AEBP2: variants seen among roughly 807,000 people sequenced by gnomAD.
AEBP2 encodes zinc finger protein AEBP2.
In AEBP2, 10 loss-of-function variants were observed where a neutral mutation model predicts 50.8. The ratio of observed to expected loss-of-function variants is 0.20; its 90% CI spans 0.12 to 0.33. AEBP2 has a LOEUF of 0.33. Among genes scored for constraint, AEBP2 ranks in the 10% least tolerant of loss-of-function variants. The probability of loss-of-function intolerance (pLI) is 1.00; values close to 1 mark genes in which losing one functional copy is unlikely to be tolerated. For missense variants in AEBP2, 570 were observed against 688.0 expected (o/e 0.83, Z 1.92); for synonymous variants, 296 against 261.3 (o/e 1.13, Z -1.28).
chr12:19,494,898 C>T (rs926181954), intron 4 of AEBP2, among the ~76,000 whole-genome samples: 1 of 151,754 alleles, frequency 6.6e-6, no homozygotes, highest in African/African-American at 2.4e-5. Flanking sequence ...TAGTTTGTGG[C>T]TTTATTTTAT....
chr12:19,413,900 T>C (rs946039201), intron 1 of AEBP2, among the ~76,000 whole-genome samples: 11 of 151,656 alleles, frequency 7.3e-5, no homozygotes, highest in Non-Finnish European at 1.3e-4. Flanking sequence ...TTTTTGTTTT[T>C]TGTTTTTTTT....
chr12:19,450,989 T>G (rs958230769), intron 1 of AEBP2, among the ~76,000 whole-genome samples: 6 of 4,192 alleles, frequency 1.4e-3, no homozygotes, highest in Middle Eastern at 0.045. Flanking sequence ...GTATGACAGT[T>G]TTTTTTTTGG....
chr12:19,484,633 A>G (rs7133960), intron 3 of AEBP2, among the ~76,000 whole-genome samples: 76,322 of 151,898 alleles, frequency 0.5, 20,302 homozygotes, highest in Non-Finnish European at 0.61. Flanking sequence ...TTGGCCTCAC[A>G]AAGTGCTGGG....
chr12:19,476,241 A>G (rs562533027), intron 3 of AEBP2, among the ~76,000 whole-genome samples: 2 of 152,294 alleles, frequency 1.3e-5, no homozygotes, highest in African/African-American at 4.8e-5. Flanking sequence ...ATTTTTGTAT[A>G]AGGTGAGAAA....
Position 19,518,526 on chromosome 12 carries a change from A to G in AEBP2, c.*409A>G, listed in dbSNP as rs928427878. ...ACAACATGTGCCCTTACAAATACCA[A>G]AAGCACTGTAAGGATATTTGTCTTG... On this transcript the variant is annotated 3_prime_UTR_variant, in exon 8 of 8. Coordinates refer to ENST00000266508, the MANE Select transcript of AEBP2 (RefSeq NM_153207.5). 1.0e-5 allele frequency: 13 copies of G among 1,268,986 alleles called. No individual in the cohort carries two copies. Among genetic ancestry groups the G allele is most frequent in the South Asian group, 3.0e-5 (1 of 33,218 alleles). The allele number at this position is 1,268,986 out of a possible 1,614,324, so 78.6% of individuals were successfully genotyped here. A position where few individuals can be genotyped will look rare whatever the true frequency, so the allele number is the denominator to read the frequency against.
intron 4 of AEBP2, among the ~76,000 whole-genome samples, chr12:19,495,811 TAGG>T (rs1948969828): frequency 6.6e-6 from 1 of 152,174 alleles, no homozygotes; most frequent in African/African-American, 2.4e-5. Flanking sequence ...CCCAAAGTGC[TAGG>T]ATTACAGGCA....
intron 5 of AEBP2, among the ~76,000 whole-genome samples, chr12:19,508,503 C>T (rs4963546): frequency 1 from 151,635 of 152,338 alleles, 75,474 homozygotes; most frequent in Middle Eastern, 1. Flanking sequence ...GAGATTAAGA[C>T]TATTAAAACA....
At chr12:19,515,188 A>G (rs895112770) in intron 7 of AEBP2, among the ~76,000 whole-genome samples, 1 of 152,160 alleles carries the variant, frequency 6.6e-6, no homozygotes. Context: ...AACTTTCCAA[A>G]AGAGCAATTC....
intron 2 of AEBP2, among the ~76,000 whole-genome samples, chr12:19,465,348 C>T (rs1208373233): frequency 6.6e-6 from 1 of 151,936 alleles, no homozygotes; most frequent in African/African-American, 2.4e-5. Flanking sequence ...GAGCTGAGAT[C>T]ACGCCACTGC....
At chr12:19,423,064 CAAAAA>C (rs751550689) in intron 1 of AEBP2, among the ~76,000 whole-genome samples, 1 of 35,034 alleles carries the variant, frequency 2.9e-5, no homozygotes, top group Non-Finnish European at 4.3e-5. Context: ...GACTCTGTCT[CAAAAA>C]AAAAAAAAAA....
At chr12:19,415,565 A>C (rs890648307) in intron 1 of AEBP2, among the ~76,000 whole-genome samples, 1 of 151,350 alleles carries the variant, frequency 6.6e-6, no homozygotes, top group Non-Finnish European at 1.5e-5. Flanking sequence ...GTTAGAAATC[A>C]GATTTTTTTG....
intron 3 of AEBP2, among the ~76,000 whole-genome samples, chr12:19,474,198 C>G (rs1050693826): frequency 6.6e-6 from 1 of 152,072 alleles, no homozygotes; most frequent in Admixed American, 6.5e-5. Flanking sequence ...CTGTAAAAAT[C>G]TTTTCCATTT....
At chr12:19,441,816 T>C (rs2153366287) in intron 1 of AEBP2, among the ~76,000 whole-genome samples, 1 of 152,342 alleles carries the variant, frequency 6.6e-6, no homozygotes, top group East Asian at 1.9e-4. Context: ...CATTTTATGC[T>C]CCTCTGATAC....
intron 1 of AEBP2, among the ~76,000 whole-genome samples, chr12:19,410,684 A>T (rs773383510): frequency 1.2e-4 from 19 of 152,170 alleles, no homozygotes; most frequent in Non-Finnish European, 1.5e-5. Context: ...GGTGTTCAGT[A>T]ATTATTTGTT....
intron 3 of AEBP2, among the ~76,000 whole-genome samples, chr12:19,477,269 C>A (rs1948662567): frequency 6.6e-6 from 1 of 152,086 alleles, no homozygotes; most frequent in African/African-American, 2.4e-5. Flanking sequence ...GTTTTATTTC[C>A]TCTTACCTAT....
intron 1 of AEBP2, among the ~76,000 whole-genome samples, chr12:19,445,684 AG>A (rs1948049128): frequency 6.6e-6 from 1 of 152,238 alleles, no homozygotes; most frequent in South Asian, 2.1e-4. Flanking sequence ...TGTATCAATC[AG>A]GTGTTAGATG....
At chr12:19,506,278 T>G (rs1481003326) in intron 5 of AEBP2, among the ~76,000 whole-genome samples, 1 of 151,964 alleles carries the variant, frequency 6.6e-6, no homozygotes, top group Non-Finnish European at 1.5e-5. Flanking sequence ...TTTTGTATTT[T>G]TAGTAGAGAT....
intron 2 of AEBP2, among the ~76,000 whole-genome samples, chr12:19,471,358 C>A (rs898482986): frequency 6.6e-6 from 1 of 151,770 alleles, no homozygotes; most frequent in Non-Finnish European, 1.5e-5. Context: ...CTCAAGCAAT[C>A]CTCCTGCCTT....
At position 19,481,092 on chromosome 12, in the gene AEBP2, CTT is replaced by C. The variant is rs71067027; in HGVS notation, c.987+7762_987+7763del. On this transcript the variant is annotated intron_variant, in intron 3 of 7. Transcript: ENST00000266508. The stretch of plus-strand genomic sequence containing the variant: ...TGTTATTGAAACTTTGCAGTGCATC[CTT>C]TTTTTTTTTTTTTTTTTTTTTTTTG... Among the ~76,000 whole-genome samples, 174 of 74,008 alleles carry C rather than the reference CTT, an allele frequency of 2.4e-3. 14 individuals are homozygous for C. The highest frequency in any genetic ancestry group is 7.5e-3 in the African/African-American group (132 of 17,536). The allele number at this position is 74,008 out of a possible 152,430, so 48.6% of individuals were successfully genotyped here.
Sources: allele counts gnomAD v4.1 joint callset (sites outside exome capture counted in the v4.1 genomes callset), GRCh38; gene constraint gnomAD v4.1.1; transcripts MANE v1.5; gene names NCBI Gene and HGNC (gene_info 2026-07-23, HGNC 2026-07-21).